The following TNNI3K variants were observed in gnomAD, a reference collection of about 807,000 sequenced individuals.
TNNI3K encodes the protein serine/threonine-protein kinase TNNI3K.
In TNNI3K, 140 loss-of-function variants were observed where a neutral mutation model predicts 114.5. That is an observed-to-expected ratio of 1.22 (90% CI 1.07 to 1.41). The LOEUF is 1.41. TNNI3K is among the 40% of genes most tolerant of loss of function. TNNI3K has a pLI of 0.00. For synonymous variants in TNNI3K, 347 were observed against 347.5 expected, an observed-to-expected ratio of 1.00 and a Z score of 0.02; for missense variants, 1,125 against 1,007.6, an observed-to-expected ratio of 1.12 and a Z score of -1.58.
intron 5 of TNNI3K, among the ~76,000 whole-genome samples, chr1:74,328,965 C>T (rs2100405674): frequency 6.6e-6 from 1 of 152,200 alleles, no homozygotes; most frequent in South Asian, 2.1e-4. Flanking sequence ...GATTCCCAGG[C>T]ATGTGAAGCC....
intron 12 of TNNI3K, 46 bp downstream of exon 12, chr1:74,367,388 G>C (rs201579776): frequency 2.5e-6 from 4 of 1,598,018 alleles, no homozygotes. Context: ...AATATATTGT[G>C]CCTAAAGGTA....
intron 20 of TNNI3K, among the ~76,000 whole-genome samples, chr1:74,455,067 C>A (rs1056607028): frequency 6.6e-6 from 1 of 152,016 alleles, no homozygotes; most frequent in Non-Finnish European, 1.5e-5. Context: ...AGGAATAGGT[C>A]GCTGACCAGG....
chr1:74,413,932 A>G (rs990118591), intron 17 of TNNI3K, among the ~76,000 whole-genome samples: 6 of 152,124 alleles, frequency 3.9e-5, no homozygotes, highest in Admixed American at 1.3e-4. Context: ...ATGCTTTAAG[A>G]TACATATCAT....
chr1:74,520,310 G>T (rs140731973), intron 23 of TNNI3K, among the ~76,000 whole-genome samples: 2 of 152,088 alleles, frequency 1.3e-5, no homozygotes, highest in South Asian at 2.1e-4. Context: ...TTAAATACAC[G>T]TACAGAATTG....
At chr1:74,470,458 C>T (rs1034032829) in intron 21 of TNNI3K, 19 of 400,528 alleles carry the variant, frequency 4.7e-5, no homozygotes, top group African/African-American at 3.9e-4. Context: ...TCCTTTTTCG[C>T]TACTATTGGT....
chr1:74,486,999 G>A (rs570533362), intron 21 of TNNI3K, among the ~76,000 whole-genome samples: 21 of 152,212 alleles, frequency 1.4e-4, no homozygotes, highest in African/African-American at 5.1e-4. Flanking sequence ...AGCTTGATTA[G>A]GATGGATTGC....
At chr1:74,270,500 A>C (rs1370667596) in intron 4 of TNNI3K, among the ~76,000 whole-genome samples, 1 of 151,842 alleles carries the variant, frequency 6.6e-6, no homozygotes, top group Non-Finnish European at 1.5e-5. Context: ...CAGGTAGAAA[A>C]ACGGGAAGAT....
In TNNI3K at chr1:74,387,299, A is replaced by C. The variant is rs181444512; in HGVS notation, c.1772+16907A>C. Among the ~76,000 whole-genome samples, 627 of 152,368 alleles carry C rather than the reference A, an allele frequency of 4.1e-3. 4 individuals are homozygous for C. The highest frequency in any genetic ancestry group is 0.014 in the African/African-American group (601 of 41,578). On this transcript the variant is annotated intron_variant, in intron 17 of 24. Coordinates refer to ENST00000326637, the MANE Select transcript of TNNI3K (RefSeq NM_015978.3). ...ATACTCTGGGTCAAAGAAACCAAAA[A>C]AAGCAATTAAAAAAGAAACAAGCGA...
chr1:74,254,221 G>C (rs549326736), intron 4 of TNNI3K, among the ~76,000 whole-genome samples: 8 of 152,126 alleles, frequency 5.3e-5, no homozygotes, highest in Admixed American at 1.3e-4. Context: ...TGCCACTTCA[G>C]TCTTCATTTC....
At chr1:74,500,767 T>C (rs1669584184) in intron 23 of TNNI3K, among the ~76,000 whole-genome samples, 1 of 151,932 alleles carries the variant, frequency 6.6e-6, no homozygotes, top group Admixed American at 6.6e-5. Context: ...GTTACTTTTT[T>C]CCCTGCACCT....
At chr1:74,309,988 G>A (rs539756177) in intron 5 of TNNI3K, among the ~76,000 whole-genome samples, 2 of 152,194 alleles carry the variant, frequency 1.3e-5, no homozygotes, top group Admixed American at 6.5e-5. Flanking sequence ...GAAATAAAAG[G>A]CATCTAAATG....
chr1:74,342,779 A>G (rs1041765949), intron 7 of TNNI3K, 63 bp from the exon 8 acceptor site: 17 of 1,587,602 alleles, frequency 1.1e-5, no homozygotes, highest in Non-Finnish European at 1.5e-5. Context: ...GATACTATAC[A>G]TATGAAGGTT....
At chr1:74,292,681 T>C (rs1657754010) in intron 5 of TNNI3K, among the ~76,000 whole-genome samples, 1 of 151,618 alleles carries the variant, frequency 6.6e-6, no homozygotes, top group African/African-American at 2.4e-5. Context: ...TGCAGTTGTT[T>C]GCTACACAGC....
At chr1:74,493,020 T>C (rs1445200466) in intron 23 of TNNI3K, among the ~76,000 whole-genome samples, 1 of 152,176 alleles carries the variant, frequency 6.6e-6, no homozygotes, top group African/African-American at 2.4e-5. Flanking sequence ...CCAACTCTAC[T>C]GGATCAGGGC....
rs149927411 is a variant in TNNI3K, at chr1:74,306,848, G to A, written c.445-24602G>A. The stretch of plus-strand genomic sequence containing the variant: ...TGTTGATAGTTTCTTTTGCTGTGTA[G>A]AAGCTCTTTAGTTTGATTAAGTCCC... On this transcript the variant is annotated intron_variant, in intron 5 of 24. Coordinates refer to ENST00000326637, the MANE Select transcript of TNNI3K (RefSeq NM_015978.3). Among the ~76,000 whole-genome samples, 465 of 152,230 alleles carry A rather than the reference G, an allele frequency of 3.1e-3. 3 individuals carry two copies. The highest frequency in any genetic ancestry group is 6.8e-3 in the Middle Eastern group (2 of 294).
intron 17 of TNNI3K, among the ~76,000 whole-genome samples, chr1:74,420,221 G>A (rs2100633092): frequency 6.6e-6 from 1 of 152,052 alleles, no homozygotes; most frequent in Non-Finnish European, 1.5e-5. Context: ...ATATTTGGAG[G>A]AGTAAAACTG....
At chr1:74,379,657 C>T (rs1663096109) in intron 17 of TNNI3K, among the ~76,000 whole-genome samples, 1 of 152,150 alleles carries the variant, frequency 6.6e-6, no homozygotes, top group Non-Finnish European at 1.5e-5. Flanking sequence ...CACAGAGATT[C>T]ACTATCCAAC....
intron 24 of TNNI3K, among the ~76,000 whole-genome samples, chr1:74,540,548 A>T (rs1350597778): frequency 6.6e-6 from 1 of 151,372 alleles, no homozygotes; most frequent in Non-Finnish European, 1.5e-5. Flanking sequence ...TATATGTGTG[A>T]TTATGTGTGA....
chr1:74,236,113 A>G lies in TNNI3K; in HGVS notation c.52A>G (p.Lys18Glu). 2 of 1,605,774 alleles carry G rather than the reference A, an allele frequency of 1.2e-6. No individual in the cohort carries two copies. The highest frequency in any genetic ancestry group is 1.1e-5 in the South Asian group (1 of 90,192). The change falls in exon 2 of 25, where the codon AAA becomes GAA. Residue 18 changes from lysine (K) to glutamate (E), a missense_variant. Physicochemically the swap from Lys to Glu is moderately conservative, Grantham distance 56 (BLOSUM62 1). Transcript: ENST00000326637. Reference protein sequence around the residue: ...PTQTCTDEWKKKVSESYVITI... With the variant: ...PTQTCTDEWKEKVSESYVITI... ...TTCTTCTTTACTAGATGAATGGAAG[A>G]AAAAAGTCAGTGAATCATATGTTAT...
Sources: gnomAD v4.1 joint callset for allele counts (sites outside exome capture counted in the v4.1 genomes callset) on GRCh38, gnomAD v4.1.1 for gene constraint, MANE v1.5 for transcripts, NCBI Gene and HGNC (gene_info 2026-07-23, HGNC 2026-07-21) for gene names.